NEGR1: variants seen among roughly 807,000 people sequenced by gnomAD.
NEGR1 encodes IgLON family member 4.
In NEGR1, 10 loss-of-function variants were observed where a neutral mutation model predicts 40.9. The observed-to-expected ratio is 0.24, with a 90% CI of 0.15 to 0.42. The LOEUF (loss-of-function observed/expected upper bound fraction) is 0.42. Among genes scored for constraint, NEGR1 ranks in the 10% least tolerant of loss-of-function variants. The pLI is 1.00. For synonymous variants in NEGR1, 185 were observed against 166.8 expected (o/e 1.11, Z -0.84); for missense variants, 352 against 438.9 (o/e 0.80, Z 1.77).
Position 71,400,257 on chromosome 1 carries a change from G to A in NEGR1, c.*7189C>T, listed in dbSNP as rs1386726698. On this transcript the variant is annotated 3_prime_UTR_variant, in exon 7 of 7. Transcript: ENST00000357731. ...TTCTACCAAACCAAGATGTGTGCTA[G>A]GACTGGGCTCATTAGCACTAAGTAG... 6.6e-6 allele frequency: 1 copy of A among 152,104 alleles called. No homozygotes were observed. Among genetic ancestry groups the A allele is most frequent in the African/African-American group, 2.4e-5 (1 of 41,408 alleles). 9.4% of individuals were successfully genotyped at this position (152,104 alleles called of 1,614,324 possible). A position where few individuals can be genotyped will look rare whatever the true frequency, so the allele number is the denominator to read the frequency against.
chr1:71,827,179 A>G (rs551879798), intron 2 of NEGR1, among the ~76,000 whole-genome samples: 12 of 151,510 alleles, frequency 7.9e-5, no homozygotes, highest in Non-Finnish European at 1.5e-4. Flanking sequence ...TTTTTTTTCT[A>G]TTCTATTGTG....
At chr1:72,261,210 T>C (rs1655441872) in intron 1 of NEGR1, among the ~76,000 whole-genome samples, 1 of 152,086 alleles carries the variant, frequency 6.6e-6, no homozygotes, top group African/African-American at 2.4e-5. Context: ...AATGTATAGC[T>C]TTTTCACTAC....
chr1:71,499,497 G>T (rs897601897), intron 6 of NEGR1, among the ~76,000 whole-genome samples: 1 of 147,470 alleles, frequency 6.8e-6, no homozygotes, highest in East Asian at 2.0e-4. Context: ...ATATATAATT[G>T]TATATGTTAT....
intron 1 of NEGR1, among the ~76,000 whole-genome samples, chr1:72,270,233 T>C (rs1466943147): frequency 1.3e-5 from 2 of 151,884 alleles, no homozygotes; most frequent in East Asian, 3.9e-4. Flanking sequence ...GTAGATGTTC[T>C]GGGACTGTGG....
intron 4 of NEGR1, among the ~76,000 whole-genome samples, chr1:71,673,870 A>C (rs377674794): frequency 6.6e-6 from 1 of 152,124 alleles, no homozygotes; most frequent in Non-Finnish European, 1.5e-5. Flanking sequence ...TATGGAGCTC[A>C]GTCTTTATGG....
intron 4 of NEGR1, among the ~76,000 whole-genome samples, chr1:71,631,067 C>T (rs1650954402): frequency 6.6e-6 from 1 of 151,874 alleles, no homozygotes; most frequent in Non-Finnish European, 1.5e-5. Context: ...CTTTCAATTT[C>T]ACCTTGGTGA....
rs535610893 is a variant in NEGR1 at position 71,800,275 on chromosome 1, A to T, written c.410-23978T>A. Reference sequence around the variant, plus strand: ...CTTTGTCAGATGGATAGATTGCAAAATTTTTCTCCCATTCTTTAGGTTGTC... The same window carrying T: ...CTTTGTCAGATGGATAGATTGCAAATTTTTTCTCCCATTCTTTAGGTTGTC... On this transcript the variant is annotated intron_variant, in intron 2 of 6. Coordinates refer to ENST00000357731, the MANE Select transcript of NEGR1 (RefSeq NM_173808.3). 3.9e-5 allele frequency among the ~76,000 whole-genome samples: 6 copies of T among 151,904 alleles called. No individual in the cohort carries two copies. The East Asian group carries it at 9.7e-4, about 25-fold the overall frequency.
intron 1 of NEGR1, among the ~76,000 whole-genome samples, chr1:72,242,031 CA>C (rs1654761657): frequency 1.3e-5 from 2 of 149,816 alleles, no homozygotes; most frequent in African/African-American, 2.5e-5. Context: ...AGGATGGAAA[CA>C]ATAATTATGT....
At chr1:71,858,373 A>C (rs570409385) in intron 2 of NEGR1, among the ~76,000 whole-genome samples, 4 of 152,250 alleles carry the variant, frequency 2.6e-5, no homozygotes, top group Non-Finnish European at 5.9e-5. Flanking sequence ...TAGATTAAAC[A>C]GACTGCCTAC....
chr1:71,560,652 TA>T (rs1648425046), intron 6 of NEGR1, among the ~76,000 whole-genome samples: 1 of 151,094 alleles, frequency 6.6e-6, no homozygotes, highest in Non-Finnish European at 1.5e-5. Flanking sequence ...GAATTACTCT[TA>T]GCTCTCAAAA....
At chr1:72,277,372 C>A (rs1284232753) in intron 1 of NEGR1, among the ~76,000 whole-genome samples, 1 of 152,104 alleles carries the variant, frequency 6.6e-6, no homozygotes, top group South Asian at 2.1e-4. Flanking sequence ...ACTTATTCCA[C>A]GGAGTGATTT....
At chr1:72,205,730 G>A (rs1400807008) in intron 1 of NEGR1, among the ~76,000 whole-genome samples, 4 of 131,152 alleles carry the variant, frequency 3.0e-5, no homozygotes, top group Non-Finnish European at 3.1e-5. Context: ...AGACCAGCCC[G>A]GGCAAATGGC....
chr1:71,683,199 A>G (rs1248685032), intron 4 of NEGR1, among the ~76,000 whole-genome samples: 1 of 152,044 alleles, frequency 6.6e-6, no homozygotes, highest in East Asian at 1.9e-4. Flanking sequence ...GAGACATGGG[A>G]TGTATCTCTT....
chr1:71,676,617 T>G (rs1488660575), intron 4 of NEGR1, among the ~76,000 whole-genome samples: 2 of 152,182 alleles, frequency 1.3e-5, no homozygotes, highest in Non-Finnish European at 2.9e-5. Flanking sequence ...TCTAAGCAGA[T>G]ATCTCCACCA....
At chr1:72,030,717 A>G (rs1371198999) in intron 1 of NEGR1, among the ~76,000 whole-genome samples, 1 of 152,200 alleles carries the variant, frequency 6.6e-6, no homozygotes, top group African/African-American at 2.4e-5. Context: ...AGAACATTAG[A>G]TAAAGCAAAT....
chr1:71,725,955 TA>T (rs1172229116), intron 3 of NEGR1, among the ~76,000 whole-genome samples: 1 of 152,112 alleles, frequency 6.6e-6, no homozygotes, highest in Non-Finnish European at 1.5e-5. Context: ...TCAATCTGGT[TA>T]AAAAAATTAA....
At chr1:71,886,456 GGAAAA>G (rs1660725716) in intron 2 of NEGR1, among the ~76,000 whole-genome samples, 1 of 145,466 alleles carries the variant, frequency 6.9e-6, no homozygotes. Context: ...AGTTTATGGG[GGAAAA>G]AAAAAAAAAC....
intron 1 of NEGR1, among the ~76,000 whole-genome samples, chr1:72,137,934 C>A (rs926072739): frequency 6.6e-6 from 1 of 151,864 alleles, no homozygotes; most frequent in African/African-American, 2.4e-5. Context: ...GAAAAGTCAA[C>A]CTAGAGTTCT....
intron 4 of NEGR1, among the ~76,000 whole-genome samples, chr1:71,662,529 T>A (rs1187683714): frequency 1.3e-5 from 2 of 152,134 alleles, no homozygotes; most frequent in Admixed American, 6.5e-5. Context: ...ATTTAAGTTT[T>A]TTGAGCCTCA....
Sources: gnomAD v4.1 joint callset for allele counts (sites outside exome capture counted in the v4.1 genomes callset) on GRCh38, gnomAD v4.1.1 for gene constraint, MANE v1.5 for transcripts, NCBI Gene and HGNC (gene_info 2026-07-23, HGNC 2026-07-21) for gene names.